The following ANLN variants were observed in gnomAD, a reference collection of about 807,000 sequenced individuals.
The protein encoded by ANLN is anillin.
ANLN carries 59 observed loss-of-function variants against 135.1 expected under a neutral mutation model. The observed-to-expected ratio is 0.44, with a 90% CI of 0.35 to 0.54. The LOEUF (loss-of-function observed/expected upper bound fraction) is 0.54. Among genes scored for constraint, ANLN ranks in the 20% least tolerant of loss-of-function variants. The probability of loss-of-function intolerance (pLI) is 0.00; values close to 1 mark genes in which losing one functional copy is unlikely to be tolerated. For missense variants in ANLN, 1,182 were observed against 1,340.0 expected (o/e 0.88, Z 1.84); for synonymous variants, 406 against 456.4 (o/e 0.89, Z 1.41).
chr7:36,419,994 TG>T (rs1787807491), intron 10 of ANLN, among the ~76,000 whole-genome samples, 174 bp from the exon 11 acceptor site: 1 of 152,212 alleles, frequency 6.6e-6, no homozygotes, highest in African/African-American at 2.4e-5. Context: ...CAGCTGTCTT[TG>T]TAGTTTTATT....
intron 3 of ANLN, among the ~76,000 whole-genome samples, chr7:36,401,527 T>C (rs1786947955): frequency 6.6e-6 from 1 of 151,630 alleles, no homozygotes; most frequent in Non-Finnish European, 1.5e-5. Context: ...TTAGTAGAGA[T>C]GAGGTTTCAC....
chr7:36,450,398 A>C (rs957652943), intron 23 of ANLN, among the ~76,000 whole-genome samples: 3 of 152,228 alleles, frequency 2.0e-5, no homozygotes, highest in Non-Finnish European at 4.4e-5. Context: ...TTGAAGACCA[A>C]CTTCAGTGTA....
At chr7:36,390,156 G>A in intron 1 of ANLN, 112 bp downstream of exon 1, 2 of 1,577,802 alleles carry the variant, frequency 1.3e-6, no homozygotes, top group Non-Finnish European at 1.7e-6. Context: ...GCGTGTGTGC[G>A]CGCGTGCGCA....
Position 36,425,722 on chromosome 7 carries a change from C to G in ANLN, c.2730C>G (p.Leu910=), listed in dbSNP as rs11550330. 9.1e-5 allele frequency: 146 copies of G among 1,611,884 alleles called. 2 individuals carry two copies. The East Asian group carries it at 3.1e-3, about 35-fold the overall frequency. Residue 910 remains leucine, a synonymous_variant, in exon 18 of 24, where the codon CTC becomes CTG. Coordinates refer to ENST00000265748, the MANE Select transcript of ANLN (RefSeq NM_018685.5). ...TTTAGGCTATTACTCCAAAGCGACT[C>G]CTCACATCTATAACCACAGTAAGTA... ...SKSKAITPKR[L]LTSITTKSNI...
intron 3 of ANLN, among the ~76,000 whole-genome samples, chr7:36,403,145 C>A (rs1787029723): frequency 6.6e-6 from 1 of 151,870 alleles, no homozygotes; most frequent in African/African-American, 2.4e-5. Context: ...ATAATATAAT[C>A]TAGGTGCAAA....
Position 36,438,711 on chromosome 7 carries a change from T to C in ANLN, c.2884-493T>C, listed in dbSNP as rs74770402. 5.9e-3 allele frequency among the ~76,000 whole-genome samples: 894 copies of C among 152,338 alleles called. 6 individuals are homozygous for C. Among genetic ancestry groups the C allele is most frequent in the African/African-American group, 0.021 (861 of 41,572 alleles). ...TGATTACCAAAGTTTTGCGTTACGT[T>C]TTGAAATTGGGAAATATGATTCCTT... On this transcript the variant is annotated intron_variant, in intron 20 of 23. Transcript: ENST00000265748.
At chr7:36,393,718 G>A (rs1347822160) in intron 1 of ANLN, among the ~76,000 whole-genome samples, 1 of 152,226 alleles carries the variant, frequency 6.6e-6, no homozygotes, top group Non-Finnish European at 1.5e-5. Flanking sequence ...TTCTTACTGA[G>A]ATAGATTTAT....
At chr7:36,401,213 A>G (rs976815381) in intron 3 of ANLN, among the ~76,000 whole-genome samples, 1 of 152,170 alleles carries the variant, frequency 6.6e-6, no homozygotes, top group Admixed American at 6.5e-5. Flanking sequence ...TTTTATCTTC[A>G]TTTTATAGAA....
intron 1 of ANLN, 102 bp from the exon 2 acceptor site, chr7:36,396,164 A>G (rs903525092): frequency 2.0e-6 from 2 of 988,904 alleles, no homozygotes; most frequent in Non-Finnish European, 2.8e-6. Flanking sequence ...AAATGTGTTT[A>G]ACTGTCATCC....
chr7:36,452,416 A>G (rs900083755), intron 23 of ANLN, 61 bp from the exon 24 acceptor site: 9 of 1,606,564 alleles, frequency 5.6e-6, no homozygotes, highest in Non-Finnish European at 7.7e-6. Context: ...TAGCAAGAGT[A>G]CATGGGGGTA....
At chr7:36,409,329 G>C (rs1280197421) in intron 5 of ANLN, among the ~76,000 whole-genome samples, 1 of 152,068 alleles carries the variant, frequency 6.6e-6, no homozygotes, top group Non-Finnish European at 1.5e-5. Context: ...CTCAAATTAT[G>C]GCCGTGGCTC....
At chr7:36,408,861 G>A (rs146367571) in intron 5 of ANLN, among the ~76,000 whole-genome samples, 21 of 152,242 alleles carry the variant, frequency 1.4e-4, no homozygotes, top group African/African-American at 2.4e-4. Context: ...ACACTTCCAC[G>A]TACTGTTAAT....
At chr7:36,444,795 G>T (rs1451661930) in intron 22 of ANLN, among the ~76,000 whole-genome samples, 6 of 151,750 alleles carry the variant, frequency 4.0e-5, no homozygotes, top group Non-Finnish European at 5.9e-5. Context: ...TTTTTAAAAG[G>T]AAAAGCATGC....
chr7:36,444,319 G>GGT lies in ANLN; in HGVS notation c.3078+475_3078+476dup, dbSNP rs375976504. 6.9e-3 allele frequency among the ~76,000 whole-genome samples: 1,030 copies of GGT among 149,300 alleles called. 6 individuals are homozygous for GGT. Among genetic ancestry groups the GGT allele is most frequent in the African/African-American group, 0.015 (609 of 40,708 alleles). On this transcript the variant is annotated intron_variant, in intron 22 of 23. Transcript: ENST00000265748. ...AAAAAAAAAAAATGTTTTTGTTGTA[G>GGT]GTGTGTGTGTGTGTGTGTGATAATC...
At chr7:36,420,354 A>G in intron 11 of ANLN, 40 bp downstream of exon 11, 1 of 1,595,784 alleles carries the variant, frequency 6.3e-7, no homozygotes, top group South Asian at 1.1e-5. Context: ...ACTAAGGGTC[A>G]TGGTTTAGAT....
At chr7:36,426,615 G>A (rs1022593952) in intron 19 of ANLN, among the ~76,000 whole-genome samples, 2 of 152,030 alleles carry the variant, frequency 1.3e-5, no homozygotes, top group African/African-American at 4.8e-5. Flanking sequence ...TTGTCACCCT[G>A]CATTATAACT....
In ANLN at chr7:36,424,535, A is replaced by G. The variant is rs759025215; in HGVS notation, c.2604-10A>G. On this transcript the variant is annotated splice_polypyrimidine_tract_variant and intron_variant, in intron 15 of 23. Transcript: ENST00000265748. ...CTCTCAAGGTTTTACTTAATGCTTT[A>G]TTTTTCCAGGCAAGATGTATCCAAT... 2 of 1,591,100 alleles carry G rather than the reference A, an allele frequency of 1.3e-6. No homozygotes were observed. The highest frequency in any genetic ancestry group is 1.7e-6 in the Non-Finnish European group (2 of 1,167,710).
In ANLN at chr7:36,400,216, C is replaced by T. The variant is rs577358631; in HGVS notation, c.487+823C>T. Among the ~76,000 whole-genome samples the T allele has an allele frequency of 1.2e-4, 18 of 152,328 alleles. No homozygotes were observed. In the South Asian group the frequency reaches 2.1e-3, roughly 18 times the overall value. On this transcript the variant is annotated intron_variant, in intron 3 of 23. Coordinates refer to ENST00000265748, the MANE Select transcript of ANLN (RefSeq NM_018685.5). ...GCTAAAAGCAGAACCATCTTTGGCA[C>T]TAAGACTTGCAATTTGGCAGTAAGA...
In ANLN at chr7:36,442,149, T is replaced by G. The variant is rs987698406; in HGVS notation, c.2971-1606T>G. 2.0e-5 allele frequency among the ~76,000 whole-genome samples: 3 copies of G among 152,288 alleles called. No individual in the cohort carries two copies. The South Asian group carries it at 6.2e-4, about 32-fold the overall frequency. Reference sequence around the variant, plus strand: ...GAGTGTATATCCTATTGTCATAGGGTTGGAGTAAGGACTAGTTGAGATAAT... The same window carrying G: ...GAGTGTATATCCTATTGTCATAGGGGTGGAGTAAGGACTAGTTGAGATAAT... On this transcript the variant is annotated intron_variant, in intron 21 of 23. Coordinates refer to ENST00000265748, the MANE Select transcript of ANLN (RefSeq NM_018685.5).
Sources: gnomAD v4.1 joint callset for allele counts (sites outside exome capture counted in the v4.1 genomes callset) on GRCh38, gnomAD v4.1.1 for gene constraint, MANE v1.5 for transcripts, NCBI Gene and HGNC (gene_info 2026-07-23, HGNC 2026-07-21) for gene names.